The following ANAPC10 variants were observed in gnomAD, a reference collection of about 807,000 sequenced individuals.
The protein encoded by ANAPC10 is anaphase promoting complex subunit 10.
Under a neutral mutation model 22.0 loss-of-function variants are expected in ANAPC10, and 12 were observed. The ratio of observed to expected loss-of-function variants is 0.55; its 90% CI spans 0.35 to 0.88. The LOEUF (loss-of-function observed/expected upper bound fraction) is 0.88, where lower values mean the gene tolerates loss of function less well. Ranked by LOEUF, ANAPC10 falls within the 40% of genes least tolerant of loss-of-function variation. ANAPC10 has a pLI of 0.01. For synonymous variants in ANAPC10, 65 were observed against 69.5 expected, an observed-to-expected ratio of 0.94 and a Z score of 0.32; for missense variants, 188 against 220.9, an observed-to-expected ratio of 0.85 and a Z score of 0.94.
At chr4:145,082,574 G>A (rs33911150) in intron 2 of ANAPC10, among the ~76,000 whole-genome samples, 1,544 of 152,294 alleles carry the variant, frequency 0.01, 8 homozygotes, top group Non-Finnish European at 0.016. Context: ...AATATGCCAT[G>A]CTTACTGAGA....
chr4:145,086,328 G>A (rs1395725325), intron 2 of ANAPC10, among the ~76,000 whole-genome samples: 1 of 152,084 alleles, frequency 6.6e-6, no homozygotes, highest in Non-Finnish European at 1.5e-5. Flanking sequence ...TGCTTTAACA[G>A]GTATCCAGAA....
chr4:145,034,851 C>A (rs954388202), intron 4 of ANAPC10, among the ~76,000 whole-genome samples: 1 of 152,054 alleles, frequency 6.6e-6, no homozygotes, highest in South Asian at 2.1e-4. Flanking sequence ...AATGAGCCTG[C>A]TTTAGTGTCC....
intron 2 of ANAPC10, 28 bp from the exon 3 acceptor site, chr4:145,081,778 C>T: frequency 1.3e-6 from 2 of 1,523,000 alleles, no homozygotes; most frequent in Non-Finnish European, 1.8e-6. Context: ...GTCAATAAAT[C>T]CCTGTGAAAA....
rs184845577 is a variant in ANAPC10, at chr4:144,995,273, T to A, written c.*100A>T. 3 of 633,170 alleles carry A rather than the reference T, an allele frequency of 4.7e-6. No individual in the cohort carries two copies. In the East Asian group the frequency reaches 8.9e-5, roughly 19 times the overall value. The allele number at this position is 633,170 out of a possible 1,614,324, so 39.2% of individuals were successfully genotyped here. A position where few individuals can be genotyped will look rare whatever the true frequency, so the allele number is the denominator to read the frequency against. ...AAATATTTTTAAACATATACAAAAT[T>A]AGATATAACGGATGCCTTGTTCAAT... On this transcript the variant is annotated 3_prime_UTR_variant, in exon 5 of 5. Coordinates refer to ENST00000507656, the MANE Select transcript of ANAPC10 (RefSeq NM_001256706.2).
chr4:145,063,755 C>T (rs1331953030), intron 4 of ANAPC10, among the ~76,000 whole-genome samples: 9 of 152,038 alleles, frequency 5.9e-5, no homozygotes, highest in African/African-American at 1.4e-4. Flanking sequence ...GTGGTATATT[C>T]AAACAGTGAA....
At chr4:145,065,261 AAAG>A (rs1051566990) in intron 3 of ANAPC10, among the ~76,000 whole-genome samples, 9 of 152,044 alleles carry the variant, frequency 5.9e-5, no homozygotes, top group East Asian at 1.9e-4. Context: ...TATCCTAGGG[AAAG>A]AAGAAACACA....
chr4:145,085,695 G>A (rs1030442778), intron 2 of ANAPC10, among the ~76,000 whole-genome samples: 2 of 152,012 alleles, frequency 1.3e-5, no homozygotes, highest in African/African-American at 4.8e-5. Flanking sequence ...ATATCTTCAA[G>A]TACTGATTAG....
intron 4 of ANAPC10, among the ~76,000 whole-genome samples, chr4:145,026,745 G>C (rs902128588): frequency 2.9e-4 from 1 of 3,442 alleles, no homozygotes; most frequent in Non-Finnish European, 0.012. Flanking sequence ...CCAAAGAGAG[G>C]CAGTGAAGAA....
chr4:145,012,238 C>A, intron 4 of ANAPC10, among the ~76,000 whole-genome samples: 1 of 147,022 alleles, frequency 6.8e-6, no homozygotes, highest in African/African-American at 2.5e-5. Context: ...TTTCTAGTAG[C>A]TACATTAAAA....
intron 4 of ANAPC10, 131 bp downstream of exon 4, chr4:145,064,441 A>C (rs1379956756): frequency 3.0e-6 from 2 of 670,848 alleles, no homozygotes; most frequent in Non-Finnish European, 4.5e-6. Flanking sequence ...TTTACACTCA[A>C]ACATGTTTTC....
chr4:145,050,151 G>A (rs1740886870), intron 4 of ANAPC10, among the ~76,000 whole-genome samples: 1 of 152,130 alleles, frequency 6.6e-6, no homozygotes, highest in South Asian at 2.1e-4. Context: ...TATAAGACTT[G>A]GAAGTCAAAA....
rs1578890746 is a variant in ANAPC10, at chr4:145,009,643, C to T, written c.328-14040G>A. On this transcript the variant is annotated intron_variant, in intron 4 of 4. Transcript: ENST00000507656. ...TATGTAGAAAGCTGAAACTGGATCC[C>T]TTCCTTACACCTTACACAAAAATTA... Among the ~76,000 whole-genome samples the T allele has an allele frequency of 2.0e-5, 3 of 152,216 alleles. No individual in the cohort carries two copies. The South Asian group carries it at 6.2e-4, about 32-fold the overall frequency.
chr4:145,053,288 G>T (rs184873848), intron 4 of ANAPC10, among the ~76,000 whole-genome samples: 1 of 152,232 alleles, frequency 6.6e-6, no homozygotes, highest in Non-Finnish European at 1.5e-5. Context: ...GCTCAATAAA[G>T]ATTAAAATAG....
At chr4:145,055,063 T>C (rs1024975838) in intron 4 of ANAPC10, among the ~76,000 whole-genome samples, 3 of 152,110 alleles carry the variant, frequency 2.0e-5, no homozygotes, top group African/African-American at 4.8e-5. Flanking sequence ...TAGAACTAAC[T>C]TGTAATCCAG....
intron 2 of ANAPC10, among the ~76,000 whole-genome samples, chr4:145,089,130 T>C (rs925338572): frequency 6.6e-6 from 1 of 152,222 alleles, no homozygotes; most frequent in African/African-American, 2.4e-5. Context: ...CTTTCTATTA[T>C]ATTGCTGTCT....
upstream of ANAPC10, chr4:145,098,493 C>T (rs1014420509): frequency 6.6e-6 from 1 of 152,378 alleles, no homozygotes; most frequent in African/African-American, 2.4e-5. Context: ...GGGACGTTCT[C>T]CGAGAGCCTT....
chr4:145,083,137 T>C (rs1354983893), intron 2 of ANAPC10, among the ~76,000 whole-genome samples: 2 of 152,164 alleles, frequency 1.3e-5, no homozygotes, highest in African/African-American at 4.8e-5. Context: ...ATTTATTCCA[T>C]ATCAATAAAT....
At chr4:145,063,286 A>T (rs746751654) in intron 4 of ANAPC10, among the ~76,000 whole-genome samples, 34 of 152,146 alleles carry the variant, frequency 2.2e-4, no homozygotes, top group Non-Finnish European at 4.4e-4. Context: ...ATATTTAATA[A>T]TTTTTTTAAA....
chr4:145,008,948 T>A (rs1027855638), intron 4 of ANAPC10, among the ~76,000 whole-genome samples: 1 of 152,150 alleles, frequency 6.6e-6, no homozygotes, highest in African/African-American at 2.4e-5. Flanking sequence ...CCCCACTGTC[T>A]CAGCCCAAAA....
Sources: allele counts gnomAD v4.1 joint callset (sites outside exome capture counted in the v4.1 genomes callset), GRCh38; gene constraint gnomAD v4.1.1; transcripts MANE v1.5; gene names NCBI Gene and HGNC (gene_info 2026-07-23, HGNC 2026-07-21).